Variants in TMPRSS6 observed in about 807,000 individuals in gnomAD.
The protein encoded by TMPRSS6 is transmembrane serine protease 6.
A neutral mutation model predicts 101.5 loss-of-function variants in TMPRSS6; 67 were observed. The observed-to-expected ratio is 0.66, with a 90% CI of 0.54 to 0.81. The LOEUF (loss-of-function observed/expected upper bound fraction) is 0.81, where lower values mean the gene tolerates loss of function less well. Among genes scored for constraint, TMPRSS6 ranks in the 30% least tolerant of loss-of-function variants. The pLI is 0.00. For synonymous variants in TMPRSS6, 453 were observed against 464.9 expected (o/e 0.97, Z 0.33); for missense variants, 1,034 against 1,088.7 (o/e 0.95, Z 0.71).
chr22:37,065,878 T>C lies in TMPRSS6; in HGVS notation c.*202A>G, dbSNP rs1362782616. 1 of 673,968 alleles carries C rather than the reference T, an allele frequency of 1.5e-6. No homozygotes were observed. Among genetic ancestry groups the C allele is most frequent in the African/African-American group, 1.8e-5 (1 of 55,718 alleles). The allele number at this position is 673,968 out of a possible 1,614,324, so 41.7% of individuals were successfully genotyped here. A position where few individuals can be genotyped will look rare whatever the true frequency, so the allele number is the denominator to read the frequency against. On this transcript the variant is annotated 3_prime_UTR_variant, in exon 18 of 18. Transcript: ENST00000676104. Reference sequence around the variant, plus strand: ...TGGGCCTGGGTCCTCAGGGGACGTCTTGACCCCCAGCTGCTGGCACTTCTC... The same window carrying C: ...TGGGCCTGGGTCCTCAGGGGACGTCCTGACCCCCAGCTGCTGGCACTTCTC...
At position 37,074,632 on chromosome 22, in the gene TMPRSS6, G is replaced by T. The variant is rs747559770; in HGVS notation, c.1419C>A (p.Asn473Lys). The T allele has an allele frequency of 5.0e-6, 8 of 1,614,198 alleles. No homozygotes were observed. The African/African-American group carries it at 6.7e-5, about 13-fold the overall frequency. Residue 473 changes from asparagine (N) to lysine (K), a missense_variant, in exon 12 of 18, where the codon AAC (asparagine) becomes AAA (lysine). Coordinates refer to ENST00000676104, the MANE Select transcript of TMPRSS6 (RefSeq NM_001374504.1). ...CACCGCAGTTTCTCTCATCCAGGCC[G>T]TTGGGGCAGTCCTTGACCCCATCAC... ...PACDGVKDCP[N>K]GLDERNCVCR...
intron 1 of TMPRSS6, among the ~76,000 whole-genome samples, chr22:37,108,960 G>A (rs1930891507): frequency 6.6e-6 from 1 of 152,124 alleles, no homozygotes; most frequent in Admixed American, 6.5e-5. Flanking sequence ...ACACGCGGAG[G>A]GATATACGCA....
rs1398593692 is a variant in TMPRSS6 at position 37,101,438 on chromosome 22, G to A, written c.202+1778C>T. Among the ~76,000 whole-genome samples, 3 of 152,102 alleles carry A rather than the reference G, an allele frequency of 2.0e-5. No individual in the cohort carries two copies. Among genetic ancestry groups the A allele is most frequent in the South Asian group, 2.1e-4 (1 of 4,820 alleles). ...AGGAAGCCAGCCACACCCTCTCCTC[G>A]GGCCAGGCTGTCCTCCTCGCTTGGG... On this transcript the variant is annotated intron_variant, in intron 2 of 17. Coordinates refer to ENST00000676104, the MANE Select transcript of TMPRSS6 (RefSeq NM_001374504.1). This position sits in a 1 kb window ranked among gnomAD's most constrained non-coding sequence, Gnocchi z 4.1.
rs763347701 is a variant in TMPRSS6, at chr22:37,073,150, AGATG to A, written c.1555+378_1555+381del. Among the ~76,000 whole-genome samples the A allele has an allele frequency of 1.1e-3, 85 of 77,530 alleles. 1 individual carries two copies. The highest frequency in any genetic ancestry group is 2.2e-3 in the African/African-American group (26 of 11,668). The allele number at this position is 77,530 out of a possible 152,430, so 50.9% of individuals were successfully genotyped here. ...TGGATGGGTGGATGGGTGGGTGGGTAGATGGGTGGGTGGATGGATGGATGGATGG... is the reference window on the plus strand; with the variant it reads ...TGGATGGGTGGATGGGTGGGTGGGTAGGTGGGTGGATGGATGGATGGATGG... On this transcript the variant is annotated intron_variant, in intron 13 of 17. Transcript: ENST00000676104.
intron 13 of TMPRSS6, among the ~76,000 whole-genome samples, chr22:37,072,919 T>G (rs1187177731): frequency 4.1e-4 from 45 of 110,322 alleles, no homozygotes; most frequent in East Asian, 8.9e-4. Context: ...ATGGATGATG[T>G]ATGGATGGAT....
At chr22:37,097,207 T>C (rs115849406) in intron 3 of TMPRSS6, among the ~76,000 whole-genome samples, 352 of 152,358 alleles carry the variant, frequency 2.3e-3, no homozygotes, top group African/African-American at 8.0e-3. Context: ...AGCCGGGTCC[T>C]GTTGTTATCA....
In TMPRSS6 at chr22:37,066,942, G is replaced by A. The variant is rs775869554; in HGVS notation, c.2134C>T (p.Gln712Ter). Residue 712 changes from glutamine to a stop codon, truncating the protein, a stop_gained, in exon 17 of 18, where the codon CAG becomes TAG. Transcript: ENST00000676104. LOFTEE classifies it high-confidence loss of function. ...REGGPISNAL[Q>*]KVDVQLIPQD... ...GGGATCAACTGCACATCCACTTTCTGCAGAGCGTTGCTGATGGGGCCTGTC... is the reference window on the plus strand; with the variant it reads ...GGGATCAACTGCACATCCACTTTCTACAGAGCGTTGCTGATGGGGCCTGTC... 3 of 1,614,018 alleles carry A rather than the reference G, an allele frequency of 1.9e-6. No individual in the cohort carries two copies. The highest frequency in any genetic ancestry group is 2.5e-6 in the Non-Finnish European group (3 of 1,180,032).
At chr22:37,068,592 G>C (rs1162753057) in intron 16 of TMPRSS6, 1 of 779,634 alleles carries the variant, frequency 1.3e-6, no homozygotes, top group Admixed American at 1.7e-5. Context: ...CTTTGCTCCA[G>C]TCCTCTCTGG....
chr22:37,084,171 C>A (rs901127773), intron 10 of TMPRSS6, 124 bp downstream of exon 10: 2 of 855,600 alleles, frequency 2.3e-6, no homozygotes, highest in Non-Finnish European at 3.8e-6. Context: ...AGCCTCTGCT[C>A]GCTCCCCTTG....
chr22:37,075,382 C>T, intron 10 of TMPRSS6, 102 bp from the exon 11 acceptor site: 2 of 1,503,742 alleles, frequency 1.3e-6, no homozygotes, highest in Admixed American at 3.6e-5. Context: ...GGGGGAGCTG[C>T]ACGCCCGCTG....
At chr22:37,068,131 ACT>A (rs1043311838) in intron 16 of TMPRSS6, among the ~76,000 whole-genome samples, 2 of 151,370 alleles carry the variant, frequency 1.3e-5, no homozygotes, top group African/African-American at 4.9e-5. Flanking sequence ...AGCTCTTACC[ACT>A]GTCTGTCTCC....
rs1179659986 is a variant in TMPRSS6 at position 37,075,175 on chromosome 22, G to A, written c.1302C>T (p.Pro434=). ...ACAAGCCATAGTGCACCCGCACACC[G>A]GGCCCGGTGAGGGAGATCTGGGAGG... is the stretch of plus-strand genomic sequence containing the variant. ...NFTSQISLTG[P]GVRVHYGLYN... is the part of the protein sequence containing the mutation. Residue 434 remains proline (P), a synonymous_variant, in exon 11 of 18, where the codon CCC becomes CCT. Coordinates refer to ENST00000676104, the MANE Select transcript of TMPRSS6 (RefSeq NM_001374504.1). 8.1e-6 allele frequency: 13 copies of A among 1,613,946 alleles called. No homozygotes were observed. The highest frequency in any genetic ancestry group is 4.5e-5 in the East Asian group (2 of 44,888).
At chr22:37,097,616 C>A (rs1426596119) in intron 3 of TMPRSS6, among the ~76,000 whole-genome samples, 4 of 152,226 alleles carry the variant, frequency 2.6e-5, no homozygotes, top group Non-Finnish European at 5.9e-5. Flanking sequence ...GTAGACCAGC[C>A]TCCGTGCAGT....
At chr22:37,070,794 A>G in intron 14 of TMPRSS6, 122 bp downstream of exon 14, 1 of 1,301,792 alleles carries the variant, frequency 7.7e-7, no homozygotes, top group Non-Finnish European at 1.1e-6. Context: ...GACCCAGGCA[A>G]GGGGGCAGAG....
chr22:37,099,210 A>G (rs1342826882), intron 2 of TMPRSS6, among the ~76,000 whole-genome samples: 1 of 152,140 alleles, frequency 6.6e-6, no homozygotes, highest in Non-Finnish European at 1.5e-5. Context: ...AATTGGTAAG[A>G]GAAGAGGGAG....
At chr22:37,082,846 T>G (rs1205508010) in intron 10 of TMPRSS6, 6 of 402,842 alleles carry the variant, frequency 1.5e-5, no homozygotes, top group Non-Finnish European at 3.0e-5. Flanking sequence ...GATCATGCCA[T>G]GAGTATTTCT....
At chr22:37,067,549 G>A (rs1346484293) in intron 16 of TMPRSS6, among the ~76,000 whole-genome samples, 2 of 152,056 alleles carry the variant, frequency 1.3e-5, no homozygotes, top group Non-Finnish European at 2.9e-5. Flanking sequence ...ACCTCTGTCT[G>A]CTGAGGCACC....
At chr22:37,108,446 A>AT (rs1930849812) in intron 1 of TMPRSS6, among the ~76,000 whole-genome samples, 1 of 152,134 alleles carries the variant, frequency 6.6e-6, no homozygotes, top group Non-Finnish European at 1.5e-5. Flanking sequence ...CTGTGCTCCA[A>AT]TTGCCACAGG....
chr22:37,083,762 G>T (rs1928445772), intron 10 of TMPRSS6, among the ~76,000 whole-genome samples: 1 of 152,270 alleles, frequency 6.6e-6, no homozygotes, highest in Admixed American at 6.5e-5. Context: ...AAGGGCAAGA[G>T]CAGGGAAGAG....
Sources: gnomAD v4.1 joint callset for allele counts (sites outside exome capture counted in the v4.1 genomes callset) on GRCh38, gnomAD v4.1.1 for gene constraint, Gnocchi (gnomAD v3.1) non-coding constraint, MANE v1.5 for transcripts, NCBI Gene and HGNC (gene_info 2026-07-23, HGNC 2026-07-21) for gene names.